Variants in KDM2A observed in about 807,000 individuals in gnomAD.
KDM2A encodes lysine-specific demethylase 2A.
Under a neutral mutation model 137.3 loss-of-function variants are expected in KDM2A, and 3 were observed. That is an observed-to-expected ratio of 0.02 (90% CI 0.01 to 0.06). The LOEUF is 0.06. Ranked by LOEUF, KDM2A falls within the 10% of genes least tolerant of loss-of-function variation. The probability of loss-of-function intolerance (pLI) is 1.00; values close to 1 mark genes in which losing one functional copy is unlikely to be tolerated. For synonymous variants in KDM2A, 512 were observed against 541.5 expected, an observed-to-expected ratio of 0.95 and a Z score of 0.76; for missense variants, 738 against 1,510.6, an observed-to-expected ratio of 0.49 and a Z score of 8.48.
At chr11:67,126,581 G>T (rs911983403) in intron 2 of KDM2A, among the ~76,000 whole-genome samples, 1 of 151,826 alleles carries the variant, frequency 6.6e-6, no homozygotes, top group Non-Finnish European at 1.5e-5. Context: ...GGTGGCAGGC[G>T]CCTGTAGTCC....
Position 67,254,838 on chromosome 11 carries a change from A to G in KDM2A, c.3308-36A>G, listed in dbSNP as rs749817847. On this transcript the variant is annotated intron_variant, in intron 20 of 20. Coordinates refer to ENST00000529006, the MANE Select transcript of KDM2A (RefSeq NM_012308.3). The surrounding 1 kb of genome is among the most constrained non-coding windows in gnomAD (Gnocchi z 4.7). ...TGAATGGCAGAGGAAAGCTGTGTGTATGTGAGCACTGTCATTATGTCCACT... is the reference window on the plus strand; with the variant it reads ...TGAATGGCAGAGGAAAGCTGTGTGTGTGTGAGCACTGTCATTATGTCCACT... 6.3e-6 allele frequency: 10 copies of G among 1,580,916 alleles called. No individual in the cohort carries two copies. Among genetic ancestry groups the G allele is most frequent in the Admixed American group, 3.3e-5 (2 of 59,772 alleles).
intron 10 of KDM2A, among the ~76,000 whole-genome samples, chr11:67,221,065 T>C (rs1301892073): frequency 1.3e-5 from 2 of 150,886 alleles, no homozygotes; most frequent in African/African-American, 4.9e-5. Flanking sequence ...ACAGGAATCA[T>C]AAAAAGAGGC....
intron 6 of KDM2A, among the ~76,000 whole-genome samples, chr11:67,213,930 G>A (rs1332869202): frequency 6.6e-6 from 1 of 151,778 alleles, no homozygotes; most frequent in Non-Finnish European, 1.5e-5. Context: ...AGTGGTGATC[G>A]TAGCTTACTG....
At chr11:67,154,943 A>G (rs1856480231) in intron 2 of KDM2A, among the ~76,000 whole-genome samples, 1 of 152,122 alleles carries the variant, frequency 6.6e-6, no homozygotes, top group African/African-American at 2.4e-5. Context: ...GGTTGTTTCT[A>G]CCTTTTAGCT....
chr11:67,242,905 C>G (rs1859091936), intron 12 of KDM2A, 104 bp from the exon 13 acceptor site: 8 of 785,836 alleles, frequency 1.0e-5, no homozygotes, highest in Non-Finnish European at 1.8e-5. Context: ...CCCTGCCTCC[C>G]TTGCTACTCA....
intron 5 of KDM2A, among the ~76,000 whole-genome samples, chr11:67,191,770 A>G (rs936632612): frequency 6.6e-6 from 1 of 152,260 alleles, no homozygotes; most frequent in Non-Finnish European, 1.5e-5. Context: ...ATTTAAGATC[A>G]GGAACAGCGT....
intron 2 of KDM2A, among the ~76,000 whole-genome samples, chr11:67,157,328 A>C (rs1162225948): frequency 2.0e-5 from 3 of 151,390 alleles, no homozygotes; most frequent in African/African-American, 4.8e-5. Flanking sequence ...AAAAAAAAAA[A>C]AAACAAAAAA....
In KDM2A at chr11:67,245,923, G is replaced by A. The variant is rs1051490528; in HGVS notation, c.1834-62G>A. The A allele has an allele frequency of 6.3e-7, 1 of 1,583,612 alleles. No individual in the cohort carries two copies. Among genetic ancestry groups the A allele is most frequent in the South Asian group, 1.1e-5 (1 of 88,980 alleles). ...CCAAATCTCCCATCTTCAGTTTAAG[G>A]GAAACTGAAATGATAAAGATCTGAG... On this transcript the variant is annotated intron_variant, in intron 14 of 20. Transcript: ENST00000529006. The surrounding 1 kb of genome is among the most constrained non-coding windows in gnomAD (Gnocchi z 4.1).
intron 5 of KDM2A, among the ~76,000 whole-genome samples, chr11:67,185,476 A>G (rs1252895817): frequency 6.6e-6 from 1 of 151,950 alleles, no homozygotes; most frequent in African/African-American, 2.4e-5. Flanking sequence ...TGAAAATACA[A>G]AACTTAACTG....
rs1034321309 is a variant in KDM2A, at chr11:67,257,843, C to T, written c.*2788C>T. On this transcript the variant is annotated 3_prime_UTR_variant, in exon 21 of 21. Coordinates refer to ENST00000529006, the MANE Select transcript of KDM2A (RefSeq NM_012308.3). ...TTGACACATTGAGGTTATTTTGGGC[C>T]AGAGAAGGAGGAAGCTAGTTGGACT... 1 of 152,052 alleles carries T rather than the reference C, an allele frequency of 6.6e-6. No individual in the cohort carries two copies. The highest frequency in any genetic ancestry group is 1.5e-5 in the Non-Finnish European group (1 of 68,026). The allele number at this position is 152,052 out of a possible 1,614,324, so 9.4% of individuals were successfully genotyped here.
chr11:67,158,614 T>C (rs1856571772), intron 2 of KDM2A, among the ~76,000 whole-genome samples: 1 of 152,204 alleles, frequency 6.6e-6, no homozygotes. Context: ...TATCTCATAG[T>C]TTTAACTTGC....
chr11:67,138,255 T>G (rs1278707182), intron 2 of KDM2A, among the ~76,000 whole-genome samples: 1 of 152,200 alleles, frequency 6.6e-6, no homozygotes, highest in Admixed American at 6.5e-5. Context: ...GCTCAAAACT[T>G]GTCTATTGAA....
At chr11:67,223,803 C>A (rs1858445932) in intron 10 of KDM2A, among the ~76,000 whole-genome samples, 1 of 152,110 alleles carries the variant, frequency 6.6e-6, no homozygotes, top group African/African-American at 2.4e-5. Context: ...CTAATAAAAA[C>A]CCTTCCAGAA....
intron 8 of KDM2A, chr11:67,217,521 G>A (rs1464824699): frequency 1.8e-6 from 1 of 571,050 alleles, no homozygotes; most frequent in African/African-American, 1.9e-5. Flanking sequence ...CCCAAGGGAA[G>A]CCTTAATGCT....
chr11:67,213,024 T>C (rs1858039444), intron 6 of KDM2A, among the ~76,000 whole-genome samples: 1 of 152,200 alleles, frequency 6.6e-6, no homozygotes, highest in South Asian at 2.1e-4. Context: ...GTTAAAATTG[T>C]TGGCTCCCTG....
rs967778450 is a variant in KDM2A at position 67,219,165 on chromosome 11, A to T, written c.842-123A>T. ...AGGCTTTGAGAGATTAAGTAACTTG[A>T]CAAACCACTAAGAAGCAGAATCAGA... On this transcript the variant is annotated intron_variant, in intron 9 of 20. Transcript: ENST00000529006. 23 of 442,742 alleles carry T rather than the reference A, an allele frequency of 5.2e-5. 1 individual carries two copies. Among genetic ancestry groups the T allele is most frequent in the Non-Finnish European group, 7.7e-5 (19 of 245,504 alleles). 27.4% of individuals were successfully genotyped at this position (442,742 alleles called of 1,614,324 possible).
At chr11:67,207,418 G>A (rs1322791869) in intron 5 of KDM2A, 92 bp from the exon 6 acceptor site, 3 of 954,750 alleles carry the variant, frequency 3.1e-6, no homozygotes, top group Non-Finnish European at 4.4e-6. Flanking sequence ...AGAAAGGACA[G>A]TATTTTTTCT....
chr11:67,158,934 T>C (rs993869243), intron 2 of KDM2A, among the ~76,000 whole-genome samples: 1 of 152,244 alleles, frequency 6.6e-6, no homozygotes, highest in Admixed American at 6.5e-5. Flanking sequence ...ATATAAAATA[T>C]GTGTTTTGCG....
chr11:67,201,493 C>T (rs939496879), intron 5 of KDM2A, among the ~76,000 whole-genome samples: 4 of 151,394 alleles, frequency 2.6e-5, no homozygotes, highest in Non-Finnish European at 4.4e-5. Context: ...AGCCATGGCC[C>T]GGTGCGGTGG....
Sources: allele counts gnomAD v4.1 joint callset (sites outside exome capture counted in the v4.1 genomes callset), GRCh38; gene constraint gnomAD v4.1.1; non-coding constraint Gnocchi (gnomAD v3.1); transcripts MANE v1.5; gene names NCBI Gene and HGNC (gene_info 2026-07-23, HGNC 2026-07-21).